Variants in KCNK12 observed in about 807,000 individuals in gnomAD.
KCNK12 encodes potassium channel subfamily K member 12.
KCNK12 carries 6 observed loss-of-function variants against 25.3 expected under a neutral mutation model. That is an observed-to-expected ratio of 0.24 (90% confidence interval 0.13 to 0.47). KCNK12 has a LOEUF of 0.47. Among genes scored for constraint, KCNK12 ranks in the 20% least tolerant of loss-of-function variants. The probability of loss-of-function intolerance (pLI) is 0.99; values close to 1 mark genes in which losing one functional copy is unlikely to be tolerated. For missense variants in KCNK12, 444 were observed against 661.7 expected, an observed-to-expected ratio of 0.67 and a Z score of 3.61; for synonymous variants, 331 against 311.1, an observed-to-expected ratio of 1.06 and a Z score of -0.67.
At chr2:47,552,768 C>CAA (rs372319464) in intron 1 of KCNK12, among the ~76,000 whole-genome samples, 1 of 149,244 alleles carries the variant, frequency 6.7e-6, no homozygotes, top group African/African-American at 2.5e-5. Context: ...ACTCTGGCTC[C>CAA]AAAAAAAAGA....
intron 1 of KCNK12, among the ~76,000 whole-genome samples, chr2:47,561,173 C>A (rs1669661532): frequency 6.6e-6 from 1 of 152,158 alleles, no homozygotes; most frequent in Non-Finnish European, 1.5e-5. Context: ...TGCCAAGAGG[C>A]CTCAGCACAC....
At chr2:47,522,313 C>G (rs890540302) in intron 1 of KCNK12, among the ~76,000 whole-genome samples, 30 of 152,298 alleles carry the variant, frequency 2.0e-4, no homozygotes, top group African/African-American at 7.2e-4. Flanking sequence ...CAACATAGAT[C>G]TCTTCAAAGA....
chr2:47,563,034 A>G (rs1030793202), intron 1 of KCNK12: 1 of 233,230 alleles, frequency 4.3e-6, no homozygotes, highest in Non-Finnish European at 8.5e-6. Flanking sequence ...GAATAGACCA[A>G]CGGCCTTTTG....
In KCNK12 at chr2:47,556,192, G is replaced by T. The variant is rs1669547335; in HGVS notation, c.391+13749C>A. Among the ~76,000 whole-genome samples, 1 of 152,168 alleles carries T rather than the reference G, an allele frequency of 6.6e-6. No individual in the cohort carries two copies. Among genetic ancestry groups the T allele is most frequent in the Admixed American group, 6.5e-5 (1 of 15,274 alleles). On this transcript the variant is annotated intron_variant, in intron 1 of 1. Transcript: ENST00000327876. The surrounding 1 kb of genome is among the most constrained non-coding windows in gnomAD (Gnocchi z 4.8). ...GAATATACATGTTTGCATACCGATG[G>T]AGTATAAATTAACAATGCATGGGGA...
intron 1 of KCNK12, chr2:47,535,191 G>A (rs949802606): frequency 1.3e-5 from 3 of 232,676 alleles, no homozygotes; most frequent in African/African-American, 6.6e-5. Flanking sequence ...TAAAGATGAG[G>A]AGCCATGATG....
Position 47,521,605 on chromosome 2 carries a change from C to T in KCNK12, c.595G>A (p.Ala199Thr). Residue 199 changes from alanine (A) to threonine (T), a missense_variant, in exon 2 of 2, where the codon GCG (alanine) becomes ACG (threonine). Ala to Thr is a moderately conservative substitution (Grantham distance 58). Around this residue, in one of 8 missense-constraint regions of KCNK12, gnomAD observed 36 missense variants for 36.4 expected, o/e 0.99. Coordinates refer to ENST00000327876, the MANE Select transcript of KCNK12 (RefSeq NM_022055.2). ...LLPATFRRGSALSEADSLAGW... is the reference protein window; with the variant it reads ...LLPATFRRGSTLSEADSLAGW... The stretch of plus-strand genomic sequence containing the variant: ...GCCAGGCTGTCGGCCTCCGAGAGCG[C>T]GGAGCCGCGGCGGAAGGTGGCGGGC... The T allele has an allele frequency of 4.5e-6, 7 of 1,565,438 alleles. No individual in the cohort carries two copies. The highest frequency in any genetic ancestry group is 6.1e-6 in the Non-Finnish European group (7 of 1,155,306).
In KCNK12 at chr2:47,512,173, A is replaced by G. The variant is rs906423265; in HGVS notation, c.*8734T>C. ...TGGCTGGTCCTGCTCCTCCCAGTCCATGGAGAAAAAAGAATTGAACAAACT... is the reference window on the plus strand; with the variant it reads ...TGGCTGGTCCTGCTCCTCCCAGTCCGTGGAGAAAAAAGAATTGAACAAACT... On this transcript the variant is annotated 3_prime_UTR_variant, in exon 2 of 2. Transcript: ENST00000327876. The G allele has an allele frequency of 8.0e-6, 9 of 1,125,580 alleles. No individual in the cohort carries two copies. In the Admixed American group the frequency reaches 8.1e-5, roughly 10 times the overall value. 69.7% of individuals were successfully genotyped at this position (1,125,580 alleles called of 1,614,324 possible). A position where few individuals can be genotyped will look rare whatever the true frequency, so the allele number is the denominator to read the frequency against.
Position 47,534,684 on chromosome 2 carries a change from C to G in KCNK12, c.392-12876G>C, listed in dbSNP as rs1051675177. Among the ~76,000 whole-genome samples, 9 of 152,044 alleles carry G rather than the reference C, an allele frequency of 5.9e-5. No homozygotes were observed. In the East Asian group the frequency reaches 7.7e-4, roughly 13 times the overall value. On this transcript the variant is annotated intron_variant, in intron 1 of 1. Transcript: ENST00000327876. The stretch of plus-strand genomic sequence containing the variant: ...TGAAGAAAGCTCTGCCCACCTACCC[C>G]GTCCCTCACTCCTCCCTCCCACCTC...
intron 1 of KCNK12, chr2:47,535,172 AAGG>A (rs1558553418): frequency 8.6e-6 from 2 of 232,080 alleles, no homozygotes; most frequent in Non-Finnish European, 1.7e-5. Flanking sequence ...GGCTGCTTCA[AAGG>A]AGGAATAAAG....
chr2:47,515,768 G>A lies in KCNK12; in HGVS notation c.*5139C>T, dbSNP rs951259905. On this transcript the variant is annotated 3_prime_UTR_variant, in exon 2 of 2. Coordinates refer to ENST00000327876, the MANE Select transcript of KCNK12 (RefSeq NM_022055.2). ...GTGGAGGGGAGAGAAGGCCTCAGTA[G>A]AGTTTGCACTATTATTAGGGCAAGT... Among the ~76,000 whole-genome samples the A allele has an allele frequency of 6.6e-6, 1 of 152,150 alleles. No individual in the cohort carries two copies. Among genetic ancestry groups the A allele is most frequent in the African/African-American group, 2.4e-5 (1 of 41,442 alleles).
At chr2:47,546,128 A>G (rs1356632282) in intron 1 of KCNK12, among the ~76,000 whole-genome samples, 1 of 152,246 alleles carries the variant, frequency 6.6e-6, no homozygotes, top group African/African-American at 2.4e-5. Context: ...CCTAGGGTCT[A>G]GAACTGTGAG....
rs1385146783 is a variant in KCNK12 at position 47,548,458 on chromosome 2, T to C, written c.391+21483A>G. Reference sequence around the variant, plus strand: ...TGATTCCACTTCAGCCTTCCCTATCTCAGTAAATGGCAAATCCATCCTTGC... The same window carrying C: ...TGATTCCACTTCAGCCTTCCCTATCCCAGTAAATGGCAAATCCATCCTTGC... On this transcript the variant is annotated intron_variant, in intron 1 of 1. Coordinates refer to ENST00000327876, the MANE Select transcript of KCNK12 (RefSeq NM_022055.2). This position sits in a 1 kb window ranked among gnomAD's most constrained non-coding sequence, Gnocchi z 4.4. Among the ~76,000 whole-genome samples the C allele has an allele frequency of 6.6e-6, 1 of 152,156 alleles. No individual in the cohort carries two copies. Among genetic ancestry groups the C allele is most frequent in the Non-Finnish European group, 1.5e-5 (1 of 68,038 alleles).
chr2:47,542,515 C>G (rs1669222411), intron 1 of KCNK12, among the ~76,000 whole-genome samples: 1 of 152,220 alleles, frequency 6.6e-6, no homozygotes, highest in Admixed American at 6.5e-5. Flanking sequence ...TTCTTGCTCC[C>G]TTTCATGGGA....
chr2:47,510,292 C>G lies in KCNK12; in HGVS notation c.*10615G>C, dbSNP rs1220661710. 6.6e-6 allele frequency: 1 copy of G among 152,022 alleles called. No individual in the cohort carries two copies. The highest frequency in any genetic ancestry group is 1.5e-5 in the Non-Finnish European group (1 of 67,968). The allele number at this position is 152,022 out of a possible 1,614,324, so 9.4% of individuals were successfully genotyped here. ...ATGGCATCACTGTCACTGCGCTAGC[C>G]CCAGACCACCTGCTCCAGAGTTCTG... is the stretch of plus-strand genomic sequence containing the variant. On this transcript the variant is annotated 3_prime_UTR_variant, in exon 2 of 2. Transcript: ENST00000327876.
At position 47,512,800 on chromosome 2, in the gene KCNK12, G is replaced by A. The variant is rs1397922343; in HGVS notation, c.*8107C>T. ...GCAGGAAGAGGGAGGAAAGAGGAAGGGACTCACTTCCTGTTTCCAGCTGAA... is the reference window on the plus strand; with the variant it reads ...GCAGGAAGAGGGAGGAAAGAGGAAGAGACTCACTTCCTGTTTCCAGCTGAA... On this transcript the variant is annotated 3_prime_UTR_variant, in exon 2 of 2. Transcript: ENST00000327876. 1 of 193,660 alleles carries A rather than the reference G, an allele frequency of 5.2e-6. No homozygotes were observed. The highest frequency in any genetic ancestry group is 1.1e-4 in the South Asian group (1 of 9,100). 12.0% of individuals were successfully genotyped at this position (193,660 alleles called of 1,614,324 possible).
chr2:47,536,437 C>T (rs1669068495), intron 1 of KCNK12, among the ~76,000 whole-genome samples: 1 of 152,200 alleles, frequency 6.6e-6, no homozygotes, highest in African/African-American at 2.4e-5. Context: ...GCTAAATTCC[C>T]AACAGAACTG....
Position 47,521,211 on chromosome 2 carries a change from G to T in KCNK12, c.989C>A (p.Ala330Asp). The T allele has an allele frequency of 6.4e-7, 1 of 1,564,626 alleles. No homozygotes were observed. Among genetic ancestry groups the T allele is most frequent in the African/African-American group, 1.4e-5 (1 of 73,960 alleles). Residue 330 changes from alanine (A) to aspartate (D), a missense_variant, in exon 2 of 2, where the codon GCC becomes GAC. Around this residue, in one of 8 missense-constraint regions of KCNK12, gnomAD observed 69 missense variants for 81.7 expected, o/e 0.84. Transcript: ENST00000327876. ...RCCPAPGAPL[A>D]RRNAITPGSR... Reference sequence around the variant, plus strand: ...GCCTGGGGTGATGGCATTGCGCCGGGCCAGGGGCGCGCCAGGAGCCGGGCA... The same window carrying T: ...GCCTGGGGTGATGGCATTGCGCCGGTCCAGGGGCGCGCCAGGAGCCGGGCA...
chr2:47,543,309 C>G (rs1173632683), intron 1 of KCNK12: 1 of 150,870 alleles, frequency 6.6e-6, no homozygotes, highest in Non-Finnish European at 1.5e-5. Flanking sequence ...GCTTTCCTCA[C>G]TGAGGCTTAT....
chr2:47,551,095 G>C lies in KCNK12; in HGVS notation c.391+18846C>G, dbSNP rs1046254830. Among the ~76,000 whole-genome samples the C allele has an allele frequency of 6.6e-6, 1 of 152,080 alleles. No homozygotes were observed. Among genetic ancestry groups the C allele is most frequent in the African/African-American group, 2.4e-5 (1 of 41,396 alleles). ...CAGAGTAAAACCCAAAGGTCTTGCCGTGGCCTGGAGACCCTGCATGACCTA... is the reference window on the plus strand; with the variant it reads ...CAGAGTAAAACCCAAAGGTCTTGCCCTGGCCTGGAGACCCTGCATGACCTA... On this transcript the variant is annotated intron_variant, in intron 1 of 1. Transcript: ENST00000327876. This position sits in a 1 kb window ranked among gnomAD's most constrained non-coding sequence, Gnocchi z 5.3.
Sources: gnomAD v4.1 joint callset for allele counts (sites outside exome capture counted in the v4.1 genomes callset) on GRCh38, gnomAD v4.1.1 for gene constraint, gnomAD v4.1.1 regional missense constraint, Gnocchi (gnomAD v3.1) non-coding constraint, MANE v1.5 for transcripts, NCBI Gene and HGNC (gene_info 2026-07-23, HGNC 2026-07-21) for gene names.